The following PIEZO2 variants were observed in gnomAD, a reference collection of about 807,000 sequenced individuals.
PIEZO2 encodes the protein piezo type mechanosensitive ion channel component 2.
Under a neutral mutation model 337.3 loss-of-function variants are expected in PIEZO2, and 172 were observed. The ratio of observed to expected loss-of-function variants is 0.51; its 90% CI spans 0.45 to 0.58. The LOEUF (loss-of-function observed/expected upper bound fraction) is 0.58. Ranked by LOEUF, PIEZO2 falls within the 20% of genes least tolerant of loss-of-function variation. PIEZO2 has a pLI of 0.00. For synonymous variants in PIEZO2, 1,251 were observed against 1,228.5 expected, an observed-to-expected ratio of 1.02 and a Z score of -0.38; for missense variants, 3,028 against 3,391.3, an observed-to-expected ratio of 0.89 and a Z score of 2.66.
At chr18:10,915,266 T>C (rs1469814138) in intron 3 of PIEZO2, among the ~76,000 whole-genome samples, 27 of 136,686 alleles carry the variant, frequency 2.0e-4, no homozygotes, top group African/African-American at 7.5e-4. Flanking sequence ...GAAGCAGGGA[T>C]GGAGAGAGGA....
intron 1 of PIEZO2, among the ~76,000 whole-genome samples, chr18:11,137,170 A>C (rs915385040): frequency 2.0e-5 from 3 of 152,168 alleles, no homozygotes; most frequent in Admixed American, 6.5e-5. Context: ...TCAAAGCCTA[A>C]ACTAGAATGT....
chr18:10,939,753 A>G (rs1020194202), intron 3 of PIEZO2, among the ~76,000 whole-genome samples: 28 of 152,190 alleles, frequency 1.8e-4, no homozygotes, highest in African/African-American at 6.0e-4. Flanking sequence ...AACAGCACAC[A>G]CTGTGGCCTG....
intron 48 of PIEZO2, among the ~76,000 whole-genome samples, chr18:10,690,720 A>G (rs553773281): frequency 8.5e-5 from 13 of 152,228 alleles, no homozygotes; most frequent in Non-Finnish European, 8.8e-5. Flanking sequence ...AACTTGTCAC[A>G]TAGAAGAGCA....
intron 4 of PIEZO2, among the ~76,000 whole-genome samples, chr18:10,902,961 G>A (rs1170213758): frequency 2.1e-4 from 32 of 152,184 alleles, no homozygotes. Context: ...TGAATGGGGA[G>A]CTGGTGCATT....
intron 36 of PIEZO2, among the ~76,000 whole-genome samples, chr18:10,718,956 G>A (rs1358267884): frequency 6.6e-6 from 1 of 151,386 alleles, no homozygotes; most frequent in Non-Finnish European, 1.5e-5. Context: ...TCCAGCCTGG[G>A]CAAAAGAGTG....
intron 27 of PIEZO2, among the ~76,000 whole-genome samples, chr18:10,756,959 T>TGAAGATGAGCTATGGAGATGAGAAGG (rs1568022759): frequency 1.5e-5 from 2 of 133,456 alleles, no homozygotes; most frequent in African/African-American, 2.9e-5. Flanking sequence ...AGAGGAGGAA[T>TGAAGATGAGCTATGGAGATGAGAAGG]GGGAATGAAG....
At chr18:10,732,408 A>T (rs894608612) in intron 35 of PIEZO2, among the ~76,000 whole-genome samples, 1 of 152,218 alleles carries the variant, frequency 6.6e-6, no homozygotes, top group Non-Finnish European at 1.5e-5. Flanking sequence ...AGATCTGTTC[A>T]TCTTATTCTA....
chr18:10,737,426 G>A (rs1272823121), intron 33 of PIEZO2, among the ~76,000 whole-genome samples: 3 of 152,168 alleles, frequency 2.0e-5, no homozygotes, highest in South Asian at 2.1e-4. Flanking sequence ...CTGCTTCCAC[G>A]TGTCGTAGCC....
In PIEZO2 at chr18:10,784,961, C is replaced by T. The variant is rs1333092519; in HGVS notation, c.2319-4G>A. The T allele has an allele frequency of 6.6e-7, 1 of 1,524,324 alleles. No homozygotes were observed. The highest frequency in any genetic ancestry group is 2.5e-5 in the East Asian group (1 of 40,786). The allele number at this position is 1,524,324 out of a possible 1,614,324, so 94.4% of individuals were successfully genotyped here. A position where few individuals can be genotyped will look rare whatever the true frequency, so the allele number is the denominator to read the frequency against. The stretch of plus-strand genomic sequence containing the variant: ...CTTTAAGCCAAGATCCTCAAGCCTG[C>T]AAAACAAAACAAAATAAAAAGCAGG... On this transcript the variant is annotated splice_region_variant and splice_polypyrimidine_tract_variant and intron_variant, in intron 16 of 55. Transcript: ENST00000674853. This position sits in a 1 kb window ranked among gnomAD's most constrained non-coding sequence, Gnocchi z 4.5.
At chr18:11,134,817 A>G (rs1038874869) in intron 1 of PIEZO2, among the ~76,000 whole-genome samples, 1 of 152,152 alleles carries the variant, frequency 6.6e-6, no homozygotes, top group Non-Finnish European at 1.5e-5. Flanking sequence ...ATAAATAAAA[A>G]TGTTTCCCAA....
chr18:11,048,615 G>T lies in PIEZO2; in HGVS notation c.160+17512C>A, dbSNP rs2037407397. 6.6e-6 allele frequency among the ~76,000 whole-genome samples: 1 copy of T among 152,132 alleles called. No homozygotes were observed. The highest frequency in any genetic ancestry group is 1.5e-5 in the Non-Finnish European group (1 of 68,020). On this transcript the variant is annotated intron_variant, in intron 2 of 55. Coordinates refer to ENST00000674853, the MANE Select transcript of PIEZO2 (RefSeq NM_001378183.1). The surrounding 1 kb of genome is among the most constrained non-coding windows in gnomAD (Gnocchi z 4.5). ...GCAGAATGAGGGAAATGCTTATATA[G>T]ATAACTGAATTATTTATATTAGAAG...
intron 2 of PIEZO2, among the ~76,000 whole-genome samples, chr18:11,046,726 G>A (rs2145831710): frequency 6.6e-6 from 1 of 152,302 alleles, no homozygotes; most frequent in Non-Finnish European, 1.5e-5. Context: ...TAGGAATTAT[G>A]TCGACCATTT....
intron 2 of PIEZO2, among the ~76,000 whole-genome samples, chr18:11,045,320 A>AAAAAAAG (rs1491014853): frequency 2.0e-5 from 3 of 148,474 alleles, no homozygotes; most frequent in African/African-American, 7.5e-5. Context: ...AAAAAAAAAA[A>AAAAAAAG]AGAGAAAACC....
intron 3 of PIEZO2, among the ~76,000 whole-genome samples, chr18:10,936,516 G>A (rs748385252): frequency 3.3e-5 from 5 of 152,136 alleles, no homozygotes; most frequent in Non-Finnish European, 5.9e-5. Context: ...CTACCGATGC[G>A]AAAATGTTGC....
intron 2 of PIEZO2, among the ~76,000 whole-genome samples, chr18:11,060,454 C>T (rs1027992500): frequency 1.3e-5 from 2 of 152,072 alleles, no homozygotes; most frequent in African/African-American, 2.4e-5. Flanking sequence ...TTCAAAAAAT[C>T]AATGAATCCA....
At chr18:10,986,950 C>T (rs943950933) in intron 2 of PIEZO2, among the ~76,000 whole-genome samples, 12 of 151,762 alleles carry the variant, frequency 7.9e-5, no homozygotes, top group Admixed American at 5.9e-4. Context: ...ATAAACAAAA[C>T]GACTTACAAT....
Position 10,872,823 on chromosome 18 carries a change from A to G in PIEZO2, c.330-1408T>C, listed in dbSNP as rs2042171185. 6.6e-6 allele frequency among the ~76,000 whole-genome samples: 1 copy of G among 152,228 alleles called. No individual in the cohort carries two copies. Among genetic ancestry groups the G allele is most frequent in the South Asian group, 2.1e-4 (1 of 4,836 alleles). On this transcript the variant is annotated intron_variant, in intron 4 of 55. Transcript: ENST00000674853. The surrounding 1 kb of genome is among the most constrained non-coding windows in gnomAD (Gnocchi z 4.3). Reference sequence around the variant, plus strand: ...CTAGGTGATATGAAGAAAAAGTTATACAGACTTAGGTTTACAAAATGAGTT... The same window carrying G: ...CTAGGTGATATGAAGAAAAAGTTATGCAGACTTAGGTTTACAAAATGAGTT...
chr18:10,959,798 A>G lies in PIEZO2; in HGVS notation c.286+19737T>C, dbSNP rs144265570. ...AGTAAAACATTTATTTAACACGCCTATAATAAAGTTAAATAAATTACGTAA... is the reference window on the plus strand; with the variant it reads ...AGTAAAACATTTATTTAACACGCCTGTAATAAAGTTAAATAAATTACGTAA... On this transcript the variant is annotated intron_variant, in intron 3 of 55. Coordinates refer to ENST00000674853, the MANE Select transcript of PIEZO2 (RefSeq NM_001378183.1). Among the ~76,000 whole-genome samples the G allele has an allele frequency of 9.8e-5, 15 of 152,344 alleles. No homozygotes were observed. The East Asian group carries it at 2.9e-3, about 29-fold the overall frequency.
intron 2 of PIEZO2, among the ~76,000 whole-genome samples, chr18:11,060,892 C>G (rs1269714773): frequency 2.0e-5 from 3 of 152,134 alleles, no homozygotes; most frequent in Non-Finnish European, 4.4e-5. Flanking sequence ...GGGAATCCTC[C>G]CTAACTCATT....
Sources: gnomAD v4.1 joint callset for allele counts (sites outside exome capture counted in the v4.1 genomes callset) on GRCh38, gnomAD v4.1.1 for gene constraint, Gnocchi (gnomAD v3.1) non-coding constraint, MANE v1.5 for transcripts, NCBI Gene and HGNC (gene_info 2026-07-23, HGNC 2026-07-21) for gene names.